LIMCH1: variants seen among roughly 807,000 people sequenced by gnomAD.
LIMCH1 encodes the protein LIM and calponin homology domains 1.
A neutral mutation model predicts 176.5 loss-of-function variants in LIMCH1; 113 were observed. The ratio of observed to expected loss-of-function variants is 0.64; its 90% CI spans 0.55 to 0.75. The LOEUF is 0.75. Among genes scored for constraint, LIMCH1 ranks in the 30% least tolerant of loss-of-function variants. LIMCH1 has a pLI of 0.00. For synonymous variants in LIMCH1, 619 were observed against 645.9 expected, an observed-to-expected ratio of 0.96 and a Z score of 0.63; for missense variants, 1,674 against 1,814.9, an observed-to-expected ratio of 0.92 and a Z score of 1.41.
At chr4:41,646,337 T>TC in intron 16 of LIMCH1, 57 bp downstream of exon 16, 1 of 1,539,114 alleles carries the variant, frequency 6.5e-7, no homozygotes, top group South Asian at 1.3e-5. Context: ...GTTTTTTTTT[T>TC]CTAAAAATTA....
At chr4:41,600,486 C>T (rs908376368) in intron 2 of LIMCH1, among the ~76,000 whole-genome samples, 2 of 152,240 alleles carry the variant, frequency 1.3e-5, no homozygotes, top group Admixed American at 1.3e-4. Flanking sequence ...GTGTCTGCAG[C>T]TGCATTCATT....
At chr4:41,491,740 G>A (rs1352944509) in intron 1 of LIMCH1, among the ~76,000 whole-genome samples, 1 of 148,702 alleles carries the variant, frequency 6.7e-6, no homozygotes, top group African/African-American at 2.5e-5. Context: ...GGGCGGCCAG[G>A]CAGAGGCGCT....
chr4:41,609,300 G>T (rs2091140582), intron 4 of LIMCH1, among the ~76,000 whole-genome samples: 1 of 149,744 alleles, frequency 6.7e-6, no homozygotes, highest in Non-Finnish European at 1.5e-5. Context: ...GTGTTTTTCT[G>T]TGTATTTTTT....
chr4:41,381,590 G>A (rs1337979112), intron 1 of LIMCH1, among the ~76,000 whole-genome samples: 3 of 152,160 alleles, frequency 2.0e-5, no homozygotes, highest in Non-Finnish European at 4.4e-5. Context: ...GATTCGGGCA[G>A]GCCCTCTGAC....
In LIMCH1 at chr4:41,393,159, C is replaced by T. The variant is rs148026769; in HGVS notation, c.96+32223C>T. ...CCAACTTTGTGATATGACTACAGAG[C>T]CCATTCATGATGAAGACATTGAGTG... On this transcript the variant is annotated intron_variant, in intron 1 of 26. Transcript: ENST00000313860. Among the ~76,000 whole-genome samples the T allele has an allele frequency of 2.7e-3, 410 of 152,284 alleles. 2 individuals are homozygous for T. The highest frequency in any genetic ancestry group is 3.4e-3 in the Middle Eastern group (1 of 294).
chr4:41,538,064 G>T (rs1199667266), upstream of LIMCH1: 1 of 555,954 alleles, frequency 1.8e-6, no homozygotes, highest in Non-Finnish European at 2.3e-6. Context: ...TTCTGAAGAT[G>T]CCATTCCTTT....
chr4:41,684,393 A>G lies in LIMCH1; in HGVS notation c.3846-4A>G. The G allele has an allele frequency of 6.2e-7, 1 of 1,612,972 alleles. No individual in the cohort carries two copies. Among genetic ancestry groups the G allele is most frequent in the South Asian group, 1.1e-5 (1 of 90,904 alleles). On this transcript the variant is annotated splice_polypyrimidine_tract_variant and splice_region_variant and intron_variant, in intron 26 of 31. Transcript: ENST00000503057. Reference sequence around the variant, plus strand: ...CTCTGAAGTATACCTCTTTATTTTAACAGCCTAACTGAAGGGGCCTTGGCT... The same window carrying G: ...CTCTGAAGTATACCTCTTTATTTTAGCAGCCTAACTGAAGGGGCCTTGGCT...
intron 15 of LIMCH1, among the ~76,000 whole-genome samples, chr4:41,645,756 A>G (rs2094028184): frequency 6.6e-6 from 1 of 152,220 alleles, no homozygotes; most frequent in Admixed American, 6.5e-5. Flanking sequence ...TTCTATTGTC[A>G]GCAAATCTGT....
chr4:41,517,084 T>G (rs150854327), intron 2 of LIMCH1, among the ~76,000 whole-genome samples: 1 of 152,328 alleles, frequency 6.6e-6, no homozygotes, highest in Non-Finnish European at 1.5e-5. Context: ...TGGAGACAAC[T>G]CTGCTTTAGG....
intron 1 of LIMCH1, among the ~76,000 whole-genome samples, chr4:41,545,264 A>G (rs1651989775): frequency 6.6e-6 from 1 of 152,186 alleles, no homozygotes; most frequent in South Asian, 2.1e-4. Flanking sequence ...CAGCTTCACA[A>G]AGGGGTATTG....
intron 2 of LIMCH1, among the ~76,000 whole-genome samples, chr4:41,509,691 C>G (rs1259678195): frequency 1.3e-5 from 2 of 152,138 alleles, no homozygotes; most frequent in African/African-American, 2.4e-5. Context: ...TTGAGTATCC[C>G]CAACAGGCTT....
intron 1 of LIMCH1, among the ~76,000 whole-genome samples, chr4:41,474,363 TG>T (rs1582804327): frequency 1.3e-5 from 2 of 152,218 alleles, no homozygotes. Context: ...GGCAGGCACC[TG>T]TAGTCCCAGC....
rs895949331 is a variant in LIMCH1, at chr4:41,652,175, A to G, written c.3036+1567A>G. Among the ~76,000 whole-genome samples the G allele has an allele frequency of 4.6e-5, 7 of 152,312 alleles. No homozygotes were observed. In the East Asian group the frequency reaches 1.3e-3, roughly 29 times the overall value. On this transcript the variant is annotated intron_variant, in intron 18 of 31. Coordinates refer to ENST00000503057, the MANE Select transcript of LIMCH1 (RefSeq NM_001330672.2). ...GAGCTGAGCGTTGTGTGACCCAGCT[A>G]GCTAAAACCCACCTAGAAGGCTGGA...
chr4:41,692,242 C>T lies in LIMCH1; in HGVS notation c.4276-40C>T, dbSNP rs144029921. On this transcript the variant is annotated intron_variant, in intron 30 of 31. Coordinates refer to ENST00000503057, the MANE Select transcript of LIMCH1 (RefSeq NM_001330672.2). ...AACTAAGCATTAGAAAGAAACAATT[C>T]CTTATGCATCTTATGATGTCTGTTC... is the stretch of plus-strand genomic sequence containing the variant. 1,298 of 1,161,228 alleles carry T rather than the reference C, an allele frequency of 1.1e-3. 7 individuals carry two copies. The African/African-American group carries it at 0.015, about 13-fold the overall frequency. The allele number at this position is 1,161,228 out of a possible 1,614,324, so 71.9% of individuals were successfully genotyped here. A position where few individuals can be genotyped will look rare whatever the true frequency, so the allele number is the denominator to read the frequency against.
At chr4:41,523,678 T>C (rs2076340716) in intron 2 of LIMCH1, among the ~76,000 whole-genome samples, 1 of 152,246 alleles carries the variant, frequency 6.6e-6, no homozygotes, top group Non-Finnish European at 1.5e-5. Context: ...TAAGTTGCTT[T>C]CCTTGTTTCT....
At chr4:41,607,893 G>C (rs1373370869) in intron 4 of LIMCH1, among the ~76,000 whole-genome samples, 6 of 152,140 alleles carry the variant, frequency 3.9e-5, no homozygotes, top group African/African-American at 9.7e-5. Context: ...GAGAGAAAAT[G>C]ACTTGAACTT....
At chr4:41,685,901 T>A in intron 28 of LIMCH1, 71 bp downstream of exon 28, 2 of 1,512,998 alleles carry the variant, frequency 1.3e-6, no homozygotes, top group African/African-American at 1.4e-5. Context: ...GGGAGAAGAA[T>A]GAAAAATGTG....
intron 31 of LIMCH1, among the ~76,000 whole-genome samples, chr4:41,696,927 C>G (rs1197491322): frequency 6.6e-6 from 1 of 152,128 alleles, no homozygotes; most frequent in Non-Finnish European, 1.5e-5. Flanking sequence ...CTGGGCACCA[C>G]GTTAAGTGGG....
rs560722787 is a variant in LIMCH1 at position 41,449,281 on chromosome 4, G to C, written c.97-45255G>C. 9.9e-5 allele frequency among the ~76,000 whole-genome samples: 15 copies of C among 152,132 alleles called. No homozygotes were observed. In the South Asian group the frequency reaches 3.1e-3, roughly 32 times the overall value. ...CCCACTATCTTGACTTTCCCTCCAC[G>C]TGGAATGTTCTCCCTGTCCCCGTCT... On this transcript the variant is annotated intron_variant, in intron 1 of 26. Transcript: ENST00000313860.
Sources: gnomAD v4.1 joint callset for allele counts (sites outside exome capture counted in the v4.1 genomes callset) on GRCh38, gnomAD v4.1.1 for gene constraint, MANE v1.5 for transcripts, NCBI Gene and HGNC (gene_info 2026-07-23, HGNC 2026-07-21) for gene names.